SLX4IP: variants seen among roughly 807,000 people sequenced by gnomAD.
SLX4IP encodes SLX4 interacting protein.
SLX4IP carries 34 observed loss-of-function variants against 32.9 expected under a neutral mutation model. The observed-to-expected ratio is 1.03, with a 90% CI of 0.79 to 1.38. The LOEUF is 1.38. SLX4IP is among the 40% of genes most tolerant of loss of function. The pLI is 0.00. For synonymous variants in SLX4IP, 172 were observed against 171.7 expected, an observed-to-expected ratio of 1.00 and a Z score of -0.01; for missense variants, 444 against 479.0, an observed-to-expected ratio of 0.93 and a Z score of 0.68.
At chr20:10,529,433 A>G (rs1209229409) in intron 2 of SLX4IP, among the ~76,000 whole-genome samples, 1 of 151,878 alleles carries the variant, frequency 6.6e-6, no homozygotes, top group Non-Finnish European at 1.5e-5. Flanking sequence ...TACTAAAAAT[A>G]CAAAAAAATT....
At chr20:10,446,934 G>T (rs1455715800) in intron 1 of SLX4IP, among the ~76,000 whole-genome samples, 1 of 152,134 alleles carries the variant, frequency 6.6e-6, no homozygotes, top group African/African-American at 2.4e-5. Context: ...TATGGCCAAA[G>T]CTGTCATTCT....
At chr20:10,454,296 C>T (rs960744955) in intron 1 of SLX4IP, among the ~76,000 whole-genome samples, 1 of 152,072 alleles carries the variant, frequency 6.6e-6, no homozygotes, top group African/African-American at 2.4e-5. Flanking sequence ...CAAGGAACCC[C>T]TATGTCAGTA....
intron 2 of SLX4IP, among the ~76,000 whole-genome samples, chr20:10,538,782 C>T (rs1396979862): frequency 6.6e-6 from 1 of 152,188 alleles, no homozygotes; most frequent in Non-Finnish European, 1.5e-5. Context: ...CTGCCATGGC[C>T]TCCCAAAGTG....
chr20:10,461,281 G>A (rs1001137211), intron 2 of SLX4IP, among the ~76,000 whole-genome samples: 2 of 152,198 alleles, frequency 1.3e-5, no homozygotes, highest in Non-Finnish European at 1.5e-5. Context: ...GCAAGAGATG[G>A]GTCTGTTCCA....
intron 2 of SLX4IP, among the ~76,000 whole-genome samples, chr20:10,471,388 A>G (rs936376863): frequency 5.3e-5 from 8 of 152,220 alleles, no homozygotes; most frequent in African/African-American, 1.9e-4. Flanking sequence ...TCAAACTAAT[A>G]TCATTAAATA....
At chr20:10,610,812 T>C (rs1210344877) in intron 6 of SLX4IP, among the ~76,000 whole-genome samples, 1 of 152,238 alleles carries the variant, frequency 6.6e-6, no homozygotes, top group Non-Finnish European at 1.5e-5. Context: ...TCGTTATTCA[T>C]TGCGACTCTG....
rs894788471 is a variant in SLX4IP at position 10,625,411 on chromosome 20, G to A, written c.*2032G>A. On this transcript the variant is annotated 3_prime_UTR_variant, in exon 8 of 8. Coordinates refer to ENST00000334534, the MANE Select transcript of SLX4IP (RefSeq NM_001009608.3). ...GTAGCCACTGCCTGCTCCAGAACTA[G>A]GGGGGAGATATTTGAGCTGGAGCCA... 2 of 152,138 alleles carry A rather than the reference G, an allele frequency of 1.3e-5. No homozygotes were observed. The highest frequency in any genetic ancestry group is 1.5e-5 in the Non-Finnish European group (1 of 68,038). 9.4% of individuals were successfully genotyped at this position (152,138 alleles called of 1,614,324 possible). A position where few individuals can be genotyped will look rare whatever the true frequency, so the allele number is the denominator to read the frequency against.
chr20:10,438,479 T>G (rs1024594908), intron 1 of SLX4IP, among the ~76,000 whole-genome samples: 2 of 145,106 alleles, frequency 1.4e-5, no homozygotes, highest in Non-Finnish European at 1.5e-5. Flanking sequence ...TGTGTTTTTT[T>G]TTTTTTTTTT....
At chr20:10,570,514 A>G (rs7354312) in intron 4 of SLX4IP, among the ~76,000 whole-genome samples, 1 of 151,342 alleles carries the variant, frequency 6.6e-6, no homozygotes, top group African/African-American at 2.4e-5. Context: ...TATGTATCAC[A>G]CACATACACT....
intron 1 of SLX4IP, among the ~76,000 whole-genome samples, chr20:10,444,444 C>T (rs139506317): frequency 6.6e-5 from 10 of 152,182 alleles, no homozygotes; most frequent in African/African-American, 2.4e-4. Context: ...GTGGCACAAT[C>T]TCAGCTCACT....
chr20:10,590,978 A>C (rs560942703), intron 4 of SLX4IP, among the ~76,000 whole-genome samples: 1 of 152,318 alleles, frequency 6.6e-6, no homozygotes, highest in African/African-American at 2.4e-5. Flanking sequence ...ATTGTTTGCA[A>C]AGTTAAAATT....
chr20:10,436,463 TCTC>T (rs1233452075), intron 1 of SLX4IP, among the ~76,000 whole-genome samples: 1 of 152,056 alleles, frequency 6.6e-6, no homozygotes, highest in African/African-American at 2.4e-5. Flanking sequence ...TTCAAGCAAT[TCTC>T]CTGCCTCAGC....
chr20:10,522,108 G>C (rs934348148), intron 2 of SLX4IP, among the ~76,000 whole-genome samples: 6 of 152,202 alleles, frequency 3.9e-5, no homozygotes, highest in Admixed American at 6.5e-5. Flanking sequence ...GATTTGAAGA[G>C]ATTTGCATGT....
chr20:10,451,182 A>G (rs2065238594), intron 1 of SLX4IP, among the ~76,000 whole-genome samples: 1 of 151,772 alleles, frequency 6.6e-6, no homozygotes, highest in South Asian at 2.1e-4. Flanking sequence ...TTTTTTTGAG[A>G]CAGAGTATCA....
intron 2 of SLX4IP, among the ~76,000 whole-genome samples, chr20:10,518,454 C>T (rs1401584878): frequency 2.0e-4 from 11 of 54,762 alleles, no homozygotes; most frequent in Non-Finnish European, 2.9e-4. Context: ...TTCCTTCCTT[C>T]CTTCCTTCCT....
intron 4 of SLX4IP, among the ~76,000 whole-genome samples, chr20:10,576,762 T>A (rs2066528394): frequency 6.6e-6 from 1 of 152,160 alleles, no homozygotes; most frequent in Admixed American, 6.5e-5. Flanking sequence ...TAGATAAGTA[T>A]ATACCCACAA....
chr20:10,550,317 C>T (rs949802056), intron 2 of SLX4IP, among the ~76,000 whole-genome samples: 1 of 152,142 alleles, frequency 6.6e-6, no homozygotes, highest in African/African-American at 2.4e-5. Flanking sequence ...ATGCCAATGA[C>T]GATTTGTGTG....
intron 4 of SLX4IP, among the ~76,000 whole-genome samples, chr20:10,596,417 C>T (rs556680822): frequency 7.2e-5 from 11 of 151,922 alleles, no homozygotes; most frequent in South Asian, 4.2e-4. Context: ...TTTAAGGAGA[C>T]GGGGTCTCAG....
chr20:10,518,173 T>C (rs1354777196), intron 2 of SLX4IP, among the ~76,000 whole-genome samples: 2 of 152,024 alleles, frequency 1.3e-5, no homozygotes, highest in Admixed American at 6.5e-5. Context: ...AACTTAAAAG[T>C]TGAAGGAAAA....
Sources: gnomAD v4.1 joint callset for allele counts (sites outside exome capture counted in the v4.1 genomes callset) on GRCh38, gnomAD v4.1.1 for gene constraint, MANE v1.5 for transcripts, NCBI Gene and HGNC (gene_info 2026-07-23, HGNC 2026-07-21) for gene names.